The following MAGI2 variants were observed in gnomAD, a reference collection of about 807,000 sequenced individuals.
The protein encoded by MAGI2 is membrane-associated guanylate kinase, WW and PDZ domain-containing protein 2.
Under a neutral mutation model 133.3 loss-of-function variants are expected in MAGI2, and 35 were observed. The observed-to-expected ratio is 0.26, with a 90% confidence interval of 0.20 to 0.35. MAGI2 has a LOEUF of 0.35. Among genes scored for constraint, MAGI2 ranks in the 10% least tolerant of loss-of-function variants. MAGI2 has a pLI of 1.00. For missense variants in MAGI2, 1,636 were observed against 1,863.4 expected (o/e 0.88, Z 2.25); for synonymous variants, 729 against 710.6 (o/e 1.03, Z -0.41).
At chr7:79,417,253 T>C (rs1203787504) in intron 1 of MAGI2, among the ~76,000 whole-genome samples, 1 of 152,126 alleles carries the variant, frequency 6.6e-6, no homozygotes, top group Non-Finnish European at 1.5e-5. Flanking sequence ...GAGCATGGCT[T>C]GAAGTCTAAT....
chr7:78,999,979 A>G (rs1806697124), intron 2 of MAGI2, among the ~76,000 whole-genome samples: 1 of 152,198 alleles, frequency 6.6e-6, no homozygotes, highest in Non-Finnish European at 1.5e-5. Flanking sequence ...AAGGAATTTC[A>G]AAAAAGAGTT....
chr7:79,221,035 C>T (rs1428771217), intron 1 of MAGI2, among the ~76,000 whole-genome samples: 1 of 151,848 alleles, frequency 6.6e-6, no homozygotes, highest in Non-Finnish European at 1.5e-5. Context: ...AAGAGCAATA[C>T]CACGTGCACC....
chr7:79,250,225 A>AAGATCC (rs1833137240), intron 1 of MAGI2, among the ~76,000 whole-genome samples: 1 of 152,080 alleles, frequency 6.6e-6, no homozygotes, highest in Non-Finnish European at 1.5e-5. Flanking sequence ...TCTCTTCTCT[A>AAGATCC]AGATCCAGAA....
At chr7:78,369,121 T>C (rs767626704) in intron 7 of MAGI2, 35 bp downstream of exon 7, 3 of 1,432,882 alleles carry the variant, frequency 2.1e-6, no homozygotes. Flanking sequence ...TCACAACATA[T>C]TAATAACAAG....
At chr7:78,774,221 T>A (rs547562823) in intron 2 of MAGI2, among the ~76,000 whole-genome samples, 67 of 152,142 alleles carry the variant, frequency 4.4e-4, no homozygotes, top group Non-Finnish European at 9.0e-4. Flanking sequence ...CTAAGGTGGT[T>A]CCAATGCATC....
chr7:79,026,188 A>T (rs1461626935), intron 1 of MAGI2, among the ~76,000 whole-genome samples: 1 of 152,182 alleles, frequency 6.6e-6, no homozygotes, highest in Non-Finnish European at 1.5e-5. Flanking sequence ...TTAATCAAAT[A>T]TATTCTCTAT....
intron 1 of MAGI2, among the ~76,000 whole-genome samples, chr7:79,406,220 C>A (rs1030827700): frequency 2.0e-5 from 3 of 151,876 alleles, no homozygotes; most frequent in Non-Finnish European, 4.4e-5. Context: ...TAGGAGACTG[C>A]AAATAGTAGC....
intron 2 of MAGI2, among the ~76,000 whole-genome samples, chr7:78,959,181 A>T (rs1248894052): frequency 1.3e-5 from 2 of 152,130 alleles, no homozygotes; most frequent in Non-Finnish European, 1.5e-5. Context: ...CTGAAAATAT[A>T]TTGAAAGAAA....
intron 1 of MAGI2, among the ~76,000 whole-genome samples, chr7:79,098,166 T>A (rs778177930): frequency 6.6e-6 from 1 of 152,144 alleles, no homozygotes; most frequent in Non-Finnish European, 1.5e-5. Flanking sequence ...TCCTTCCTCC[T>A]TCCTGCAGTC....
At chr7:79,252,329 A>G (rs1833367494) in intron 1 of MAGI2, among the ~76,000 whole-genome samples, 1 of 152,114 alleles carries the variant, frequency 6.6e-6, no homozygotes, top group Non-Finnish European at 1.5e-5. Context: ...AAACAAACAA[A>G]CAAACAAAGA....
At chr7:78,683,250 C>A (rs1213682216) in intron 2 of MAGI2, among the ~76,000 whole-genome samples, 2 of 151,912 alleles carry the variant, frequency 1.3e-5, no homozygotes, top group African/African-American at 4.8e-5. Context: ...ATCAGGAGGA[C>A]CTATTTAGAG....
intron 2 of MAGI2, among the ~76,000 whole-genome samples, chr7:78,966,271 G>A (rs1230152111): frequency 6.6e-6 from 1 of 152,040 alleles, no homozygotes; most frequent in Non-Finnish European, 1.5e-5. Flanking sequence ...TGTTGTATAG[G>A]AGGTAGGCAA....
intron 2 of MAGI2, among the ~76,000 whole-genome samples, chr7:78,730,058 G>T (rs1821218618): frequency 6.6e-6 from 1 of 152,008 alleles, no homozygotes; most frequent in African/African-American, 2.4e-5. Flanking sequence ...TGTTATCTTT[G>T]AAATAAACCA....
chr7:78,602,276 C>G (rs1455867944), intron 3 of MAGI2, among the ~76,000 whole-genome samples: 1 of 152,134 alleles, frequency 6.6e-6, no homozygotes, highest in Admixed American at 6.5e-5. Context: ...TCTCCTACCT[C>G]AGACTCCTGA....
rs773172529 is a variant in MAGI2 at position 78,019,331 on chromosome 7, G to A, written c.4352C>T (p.Ser1451Leu). Reference sequence around the variant, plus strand: ...CCGCGCGGCTCATCTGCTGGCGGCCGAGGCGCCGGGTTTGAGGACGCTGGG... The same window carrying A: ...CCGCGCGGCTCATCTGCTGGCGGCCAAGGCGCCGGGTTTGAGGACGCTGGG... ...KLPSVLKPGA[S>L]AASR The change falls in exon 22 of 22, where the codon TCG (serine) becomes TTG (leucine). Residue 1451 changes from serine (S) to leucine (L), a missense_variant. By Grantham distance (145) the Ser-to-Leu change is moderately radical. Coordinates refer to ENST00000354212, the MANE Select transcript of MAGI2 (RefSeq NM_012301.4). The A allele has an allele frequency of 6.5e-7, 1 of 1,546,218 alleles. No homozygotes were observed. The highest frequency in any genetic ancestry group is 1.2e-5 in the South Asian group (1 of 84,114).
At chr7:78,395,436 T>C (rs1796254348) in intron 6 of MAGI2, among the ~76,000 whole-genome samples, 2 of 152,216 alleles carry the variant, frequency 1.3e-5, no homozygotes, top group Admixed American at 1.3e-4. Context: ...TTGGTTTCTT[T>C]ACCAGAATTC....
At chr7:78,716,226 C>T (rs137917663) in intron 2 of MAGI2, among the ~76,000 whole-genome samples, 87 of 152,252 alleles carry the variant, frequency 5.7e-4, no homozygotes, top group African/African-American at 1.9e-3. Context: ...GTGACTTTTG[C>T]TATGTTTTAT....
chr7:78,994,105 G>T (rs145801841), intron 2 of MAGI2, among the ~76,000 whole-genome samples: 2 of 152,048 alleles, frequency 1.3e-5, no homozygotes, highest in Non-Finnish European at 2.9e-5. Context: ...ATATTATTGC[G>T]CCCAAAGAAA....
intron 1 of MAGI2, among the ~76,000 whole-genome samples, chr7:79,306,797 T>C (rs1305611692): frequency 1.3e-5 from 2 of 150,712 alleles, no homozygotes; most frequent in Non-Finnish European, 2.9e-5. Flanking sequence ...AATCTTTGAA[T>C]GCTTTCCTTT....
Sources: allele counts gnomAD v4.1 joint callset (sites outside exome capture counted in the v4.1 genomes callset), GRCh38; gene constraint gnomAD v4.1.1; transcripts MANE v1.5; gene names NCBI Gene and HGNC (gene_info 2026-07-23, HGNC 2026-07-21).